Variants in CREB5 observed in about 807,000 individuals in gnomAD.
The protein encoded by CREB5 is cAMP responsive element binding protein 5, also known as cyclic AMP-responsive element-binding protein 5.
Under a neutral mutation model 57.1 loss-of-function variants are expected in CREB5, and 19 were observed. That is an observed-to-expected ratio of 0.33 (90% CI 0.23 to 0.49). The LOEUF (loss-of-function observed/expected upper bound fraction) is 0.49. CREB5 is among the 20% of genes least tolerant of loss of function. The pLI is 0.99. For missense variants in CREB5, 579 were observed against 671.6 expected (o/e 0.86, Z 1.52); for synonymous variants, 238 against 238.3 (o/e 1.00, Z 0.01).
chr7:28,461,439 G>A (rs12667887), intron 1 of CREB5, among the ~76,000 whole-genome samples: 31,171 of 152,072 alleles, frequency 0.2, 3,579 homozygotes, highest in South Asian at 0.34. Flanking sequence ...ATGTTGGTTA[G>A]ATGTTCAGAC....
At chr7:28,493,736 G>T (rs956143854) in intron 2 of CREB5, among the ~76,000 whole-genome samples, 3 of 152,126 alleles carry the variant, frequency 2.0e-5, no homozygotes, top group African/African-American at 4.8e-5. Flanking sequence ...CATGTGACCA[G>T]AAGTCAGACA....
At chr7:28,559,573 C>G (rs538291085) in intron 4 of CREB5, among the ~76,000 whole-genome samples, 1 of 144,992 alleles carries the variant, frequency 6.9e-6, no homozygotes, top group East Asian at 2.5e-4. Flanking sequence ...CCTCAGCCTC[C>G]CAAAAAGCTG....
chr7:28,558,279 A>C (rs945789939), intron 4 of CREB5, among the ~76,000 whole-genome samples: 1 of 152,204 alleles, frequency 6.6e-6, no homozygotes, highest in Non-Finnish European at 1.5e-5. Context: ...GTTCAAAGGT[A>C]CTTATTCCCC....
At chr7:28,666,569 C>T (rs183131416) in intron 5 of CREB5, among the ~76,000 whole-genome samples, 328 of 151,950 alleles carry the variant, frequency 2.2e-3, no homozygotes, top group Non-Finnish European at 3.9e-3. Context: ...TTAAAATAAA[C>T]GCCATGGACC....
intron 1 of CREB5, among the ~76,000 whole-genome samples, chr7:28,317,261 C>T (rs1427936348): frequency 6.6e-6 from 1 of 152,148 alleles, no homozygotes; most frequent in Non-Finnish European, 1.5e-5. Context: ...GCAGAGAACT[C>T]TTCATCAGTG....
At chr7:28,709,082 T>A (rs1477350700) in intron 5 of CREB5, among the ~76,000 whole-genome samples, 1 of 152,200 alleles carries the variant, frequency 6.6e-6, no homozygotes, top group African/African-American at 2.4e-5. Context: ...AGCACTTATT[T>A]GAGTTGCGTT....
chr7:28,335,119 G>A (rs1455618928), intron 1 of CREB5, among the ~76,000 whole-genome samples: 1 of 152,148 alleles, frequency 6.6e-6, no homozygotes, highest in Non-Finnish European at 1.5e-5. Flanking sequence ...ATAATTTGAA[G>A]TCAGGTAATG....
chr7:28,315,167 C>T (rs1785353708), intron 1 of CREB5, among the ~76,000 whole-genome samples: 1 of 152,270 alleles, frequency 6.6e-6, no homozygotes, highest in South Asian at 2.1e-4. Context: ...CCTGATGATT[C>T]TTGCCAAGGC....
At chr7:28,377,881 A>G (rs1776305752) in intron 1 of CREB5, among the ~76,000 whole-genome samples, 1 of 149,858 alleles carries the variant, frequency 6.7e-6, no homozygotes, top group African/African-American at 2.5e-5. Context: ...GCAGTGAGCC[A>G]AGATCGCGCT....
chr7:28,712,659 G>A (rs530170827), intron 5 of CREB5, among the ~76,000 whole-genome samples: 4 of 149,272 alleles, frequency 2.7e-5, no homozygotes, highest in East Asian at 2.0e-4. Flanking sequence ...TCAGCCTCCC[G>A]AGTAGCTGGG....
intron 1 of CREB5, among the ~76,000 whole-genome samples, chr7:28,393,492 T>C (rs1787264680): frequency 6.6e-6 from 1 of 152,200 alleles, no homozygotes; most frequent in Non-Finnish European, 1.5e-5. Flanking sequence ...TAATTACCTG[T>C]CCTATGTTCT....
At chr7:28,777,436 T>C (rs1806724823) in intron 7 of CREB5, among the ~76,000 whole-genome samples, 1 of 152,224 alleles carries the variant, frequency 6.6e-6, no homozygotes, top group Admixed American at 6.5e-5. Context: ...GTTTATTTTA[T>C]CATCTAAATT....
intron 7 of CREB5, among the ~76,000 whole-genome samples, chr7:28,780,294 T>C (rs531511677): frequency 2.4e-4 from 37 of 152,346 alleles, no homozygotes; most frequent in African/African-American, 8.4e-4. Flanking sequence ...CAACAAACAA[T>C]GCCCTGCCAG....
rs567927672 is a variant in CREB5 at position 28,562,549 on chromosome 7, C to T, written c.292-7816C>T. 8.5e-5 allele frequency among the ~76,000 whole-genome samples: 13 copies of T among 152,208 alleles called. No individual in the cohort carries two copies. In the East Asian group the frequency reaches 1.4e-3, roughly 16 times the overall value. The stretch of plus-strand genomic sequence containing the variant: ...AGTCTAGAACCTCACTTATGGGGGC[C>T]GTCTGCTTCTGGCAATGGGTGAGGG... On this transcript the variant is annotated intron_variant, in intron 4 of 10. Transcript: ENST00000357727.
intron 5 of CREB5, among the ~76,000 whole-genome samples, chr7:28,703,791 A>G (rs1554288491): frequency 6.6e-6 from 1 of 152,222 alleles, no homozygotes; most frequent in Non-Finnish European, 1.5e-5. Context: ...TCAGTCTACC[A>G]ATTCAAATGT....
At chr7:28,558,117 G>GA (rs1246714986) in intron 4 of CREB5, among the ~76,000 whole-genome samples, 1 of 152,184 alleles carries the variant, frequency 6.6e-6, no homozygotes, top group African/African-American at 2.4e-5. Flanking sequence ...GTGATCAAGA[G>GA]AAAAATGTTA....
At chr7:28,380,783 A>AT in intron 1 of CREB5, among the ~76,000 whole-genome samples, 1 of 152,118 alleles carries the variant, frequency 6.6e-6, no homozygotes, top group Non-Finnish European at 1.5e-5. Flanking sequence ...GGCCCACATA[A>AT]TTTTTTTGAC....
intron 8 of CREB5, among the ~76,000 whole-genome samples, chr7:28,808,626 C>A (rs1265533764): frequency 6.6e-6 from 1 of 151,858 alleles, no homozygotes; most frequent in Non-Finnish European, 1.5e-5. Flanking sequence ...GCAACCTCAA[C>A]CTCCTGGGCT....
At position 28,650,361 on chromosome 7, in the gene CREB5, T is replaced by TTTG. The variant is rs374853231; in HGVS notation, c.465-68374_465-68372dup. 1.7e-4 allele frequency among the ~76,000 whole-genome samples: 26 copies of TTTG among 152,188 alleles called. No homozygotes were observed. The South Asian group carries it at 3.7e-3, about 22-fold the overall frequency. On this transcript the variant is annotated intron_variant, in intron 5 of 10. Coordinates refer to ENST00000357727, the MANE Select transcript of CREB5 (RefSeq NM_182898.4). ...CTGTGGCCCAGCTGATCTGCTTGGTTTTGTTGTTGTTGTTGTTGTTTTGCT... is the reference window on the plus strand; with the variant it reads ...CTGTGGCCCAGCTGATCTGCTTGGTTTTGTTGTTGTTGTTGTTGTTGTTTTGCT...
Sources: allele counts gnomAD v4.1 joint callset (sites outside exome capture counted in the v4.1 genomes callset), GRCh38; gene constraint gnomAD v4.1.1; transcripts MANE v1.5; gene names NCBI Gene and HGNC (gene_info 2026-07-23, HGNC 2026-07-21).